The following SRD5A1 variants were observed in gnomAD, a reference collection of about 807,000 sequenced individuals.
The protein encoded by SRD5A1 is 3-oxo-5-alpha-steroid 4-dehydrogenase 1.
Under a neutral mutation model 28.2 loss-of-function variants are expected in SRD5A1, and 22 were observed. The ratio of observed to expected loss-of-function variants is 0.78; its 90% CI spans 0.56 to 1.12. The LOEUF is 1.12. SRD5A1 is among the 50% of genes most tolerant of loss of function. The pLI is 0.00. For missense variants in SRD5A1, 300 were observed against 346.7 expected, an observed-to-expected ratio of 0.87 and a Z score of 1.07; for synonymous variants, 151 against 135.0, an observed-to-expected ratio of 1.12 and a Z score of -0.82.
chr5:6,664,765 G>A (rs951743867), intron 4 of SRD5A1, among the ~76,000 whole-genome samples: 4 of 152,178 alleles, frequency 2.6e-5, no homozygotes, highest in African/African-American at 7.2e-5. Context: ...GCAGCGCCCC[G>A]CATTCTTCGA....
rs891682885 is a variant in SRD5A1, at chr5:6,669,694, A to T, written c.*1426A>T. 2.0e-5 allele frequency: 3 copies of T among 152,244 alleles called. No individual in the cohort carries two copies. Among genetic ancestry groups the T allele is most frequent in the Admixed American group, 6.5e-5 (1 of 15,280 alleles). The allele number at this position is 152,244 out of a possible 1,614,324, so 9.4% of individuals were successfully genotyped here. On this transcript the variant is annotated 3_prime_UTR_variant, in exon 5 of 5. Transcript: ENST00000274192. ...GATTTGGAAAGGAGATTTCCTTTAA[A>T]ACAAACAAGCTTATTGGGAATGGCT...
chr5:6,639,443 T>G (rs1738295503), intron 1 of SRD5A1, among the ~76,000 whole-genome samples: 1 of 152,240 alleles, frequency 6.6e-6, no homozygotes, highest in Non-Finnish European at 1.5e-5. Context: ...ATCACTCAAG[T>G]GCTGCTTAGG....
In SRD5A1 at chr5:6,655,956, A is replaced by G. The variant is rs186288281; in HGVS notation, c.461-122A>G. The G allele has an allele frequency of 3.1e-5, 22 of 711,364 alleles. No homozygotes were observed. In the East Asian group the frequency reaches 3.8e-4, roughly 12 times the overall value. The allele number at this position is 711,364 out of a possible 1,614,324, so 44.1% of individuals were successfully genotyped here. On this transcript the variant is annotated intron_variant, in intron 2 of 4. Coordinates refer to ENST00000274192, the MANE Select transcript of SRD5A1 (RefSeq NM_001047.4). ...ATGGTTTTTACTACCAGTTATGGCT[A>G]ATATGTTACACTAACAATGGTAATC...
intron 4 of SRD5A1, among the ~76,000 whole-genome samples, chr5:6,664,642 G>A (rs1286344365): frequency 6.6e-6 from 1 of 152,234 alleles, no homozygotes; most frequent in East Asian, 1.9e-4. Flanking sequence ...CTGGACTCAA[G>A]TAATCCTCAC....
intron 3 of SRD5A1, among the ~76,000 whole-genome samples, chr5:6,657,535 C>T (rs1008360373): frequency 2.6e-5 from 4 of 152,212 alleles, no homozygotes; most frequent in African/African-American, 9.7e-5. Context: ...AGTGTTCATC[C>T]CCTGAAGGAG....
chr5:6,655,999 A>T, intron 2 of SRD5A1, 79 bp from the exon 3 acceptor site: 1 of 1,017,164 alleles, frequency 9.8e-7, no homozygotes. Flanking sequence ...TTGCAATAAT[A>T]CTGTTCAGTC....
intron 2 of SRD5A1, among the ~76,000 whole-genome samples, chr5:6,655,467 A>C (rs1738804753): frequency 6.6e-6 from 1 of 152,268 alleles, no homozygotes; most frequent in African/African-American, 2.4e-5. Flanking sequence ...ACTCTTGTCA[A>C]GAACCGAGGA....
At chr5:6,659,983 C>T (rs932382737) in intron 3 of SRD5A1, among the ~76,000 whole-genome samples, 5 of 152,152 alleles carry the variant, frequency 3.3e-5, no homozygotes, top group South Asian at 2.1e-4. Context: ...CCAGTGACTC[C>T]GTGAGGTCTT....
intron 4 of SRD5A1, 23 bp from the exon 5 acceptor site, chr5:6,668,179 C>CT: frequency 6.8e-7 from 1 of 1,467,456 alleles, no homozygotes; most frequent in Non-Finnish European, 9.3e-7. Context: ...GAATTATTTC[C>CT]TTTTTTAATT....
At chr5:6,660,971 A>G (rs1738982098) in intron 3 of SRD5A1, among the ~76,000 whole-genome samples, 1 of 152,162 alleles carries the variant, frequency 6.6e-6, no homozygotes, top group African/African-American at 2.4e-5. Context: ...TGTCATGAGA[A>G]TTCACTATCA....
In SRD5A1 at chr5:6,670,703, C is replaced by G. The variant is rs987166907; in HGVS notation, c.*2435C>G. On this transcript the variant is annotated 3_prime_UTR_variant, in exon 5 of 5. Transcript: ENST00000274192. ...AATAATGTTAGGTAGAAAAAAATAACAAGAATAAAAGCAAGGAAAAGGGAA... is the reference window on the plus strand; with the variant it reads ...AATAATGTTAGGTAGAAAAAAATAAGAAGAATAAAAGCAAGGAAAAGGGAA... 3.9e-5 allele frequency: 6 copies of G among 152,088 alleles called. No homozygotes were observed. The highest frequency in any genetic ancestry group is 1.4e-4 in the African/African-American group (6 of 41,414). 9.4% of individuals were successfully genotyped at this position (152,088 alleles called of 1,614,324 possible).
intron 1 of SRD5A1, among the ~76,000 whole-genome samples, chr5:6,648,220 T>G (rs1738565040): frequency 6.6e-6 from 1 of 152,152 alleles, no homozygotes; most frequent in Non-Finnish European, 1.5e-5. Context: ...ATTTTTTCCT[T>G]CATTTCAACC....
chr5:6,659,206 C>T (rs186274743), intron 3 of SRD5A1, among the ~76,000 whole-genome samples: 2,483 of 151,684 alleles, frequency 0.016, 95 homozygotes, highest in African/African-American at 0.057. Context: ...CTCTGCCTCT[C>T]GGGTTCACGC....
At chr5:6,637,775 G>A (rs1389040665) in intron 1 of SRD5A1, among the ~76,000 whole-genome samples, 1 of 152,186 alleles carries the variant, frequency 6.6e-6, no homozygotes, top group Admixed American at 6.5e-5. Flanking sequence ...ATGCCCAGAG[G>A]CCTCCTCTTT....
chr5:6,642,039 A>G (rs1738376106), intron 1 of SRD5A1, among the ~76,000 whole-genome samples: 1 of 152,242 alleles, frequency 6.6e-6, no homozygotes, highest in Non-Finnish European at 1.5e-5. Context: ...GATGAGAGAA[A>G]ACACATTTTC....
In SRD5A1 at chr5:6,670,757, A is replaced by G. The variant is rs1739337366; in HGVS notation, c.*2489A>G. The G allele has an allele frequency of 6.6e-6, 1 of 152,254 alleles. No individual in the cohort carries two copies. 9.4% of individuals were successfully genotyped at this position (152,254 alleles called of 1,614,324 possible). ...ACCCTCACTTGTGTCTGATACAGCC[A>G]TAATCTTCTCTATCGGCCATTGCTG... On this transcript the variant is annotated 3_prime_UTR_variant, in exon 5 of 5. Coordinates refer to ENST00000274192, the MANE Select transcript of SRD5A1 (RefSeq NM_001047.4).
chr5:6,652,571 G>A (rs941806328), intron 2 of SRD5A1, among the ~76,000 whole-genome samples: 3 of 152,090 alleles, frequency 2.0e-5, no homozygotes, highest in Non-Finnish European at 4.4e-5. Context: ...ATTTGCAAGA[G>A]CATTAAAAAT....
intron 1 of SRD5A1, among the ~76,000 whole-genome samples, chr5:6,637,853 T>TCTCTGAC (rs2126524492): frequency 6.6e-6 from 1 of 152,348 alleles, no homozygotes; most frequent in East Asian, 1.9e-4. Flanking sequence ...TCTGTCTTTA[T>TCTCTGAC]CTCTGACGAT....
intron 1 of SRD5A1, among the ~76,000 whole-genome samples, chr5:6,646,579 TTC>T (rs1738517446): frequency 1.3e-5 from 2 of 152,224 alleles, no homozygotes; most frequent in Admixed American, 6.5e-5. Flanking sequence ...GTTTATAGTA[TTC>T]TCTGATGGTA....
Sources: allele counts gnomAD v4.1 joint callset (sites outside exome capture counted in the v4.1 genomes callset), GRCh38; gene constraint gnomAD v4.1.1; transcripts MANE v1.5; gene names NCBI Gene and HGNC (gene_info 2026-07-23, HGNC 2026-07-21).